The following DEPDC1B variants were observed in gnomAD, a reference collection of about 807,000 sequenced individuals.
The protein encoded by DEPDC1B is DEP domain-containing protein 1B.
A neutral mutation model predicts 66.5 loss-of-function variants in DEPDC1B; 51 were observed. The observed-to-expected ratio is 0.77, with a 90% CI of 0.61 to 0.97. The LOEUF (loss-of-function observed/expected upper bound fraction) is 0.97, where lower values mean the gene tolerates loss of function less well. DEPDC1B is among the 50% of genes least tolerant of loss of function. The pLI is 0.00. For synonymous variants in DEPDC1B, 226 were observed against 223.6 expected (o/e 1.01, Z -0.10); for missense variants, 552 against 637.1 (o/e 0.87, Z 1.44).
At chr5:60,692,188 G>A (rs1754561155) in intron 1 of DEPDC1B, among the ~76,000 whole-genome samples, 1 of 152,110 alleles carries the variant, frequency 6.6e-6, no homozygotes, top group Non-Finnish European at 1.5e-5. Context: ...TGAGGGGAGT[G>A]GGGAACGGGG....
At chr5:60,656,319 C>A (rs1208475860) in intron 2 of DEPDC1B, among the ~76,000 whole-genome samples, 1 of 152,048 alleles carries the variant, frequency 6.6e-6, no homozygotes, top group African/African-American at 2.4e-5. Context: ...CACCACTGCA[C>A]CCAGCTAATT....
intron 7 of DEPDC1B, among the ~76,000 whole-genome samples, chr5:60,625,156 T>C (rs1304805740): frequency 6.6e-6 from 1 of 152,164 alleles, no homozygotes; most frequent in African/African-American, 2.4e-5. Flanking sequence ...TGATGGACAT[T>C]TGGGTTGGTT....
chr5:60,629,547 A>C (rs1752878898), intron 7 of DEPDC1B, among the ~76,000 whole-genome samples: 1 of 152,194 alleles, frequency 6.6e-6, no homozygotes, highest in Non-Finnish European at 1.5e-5. Context: ...TTGTAACATT[A>C]ATTCCAATTA....
intron 7 of DEPDC1B, among the ~76,000 whole-genome samples, chr5:60,618,748 A>C (rs570706823): frequency 6.6e-6 from 1 of 152,352 alleles, no homozygotes; most frequent in East Asian, 1.9e-4. Context: ...AAACTATTCC[A>C]ATCAATAGAA....
At chr5:60,692,140 T>C (rs1209454683) in intron 1 of DEPDC1B, among the ~76,000 whole-genome samples, 1 of 152,092 alleles carries the variant, frequency 6.6e-6, no homozygotes, top group Non-Finnish European at 1.5e-5. Context: ...ACAATTGAGT[T>C]CAAAGAGGCA....
At chr5:60,699,656 C>T (rs1754738669) in intron 1 of DEPDC1B, among the ~76,000 whole-genome samples, 1 of 152,154 alleles carries the variant, frequency 6.6e-6, no homozygotes, top group African/African-American at 2.4e-5. Flanking sequence ...GAGACACGCC[C>T]TGCCTGGACT....
chr5:60,625,775 T>G (rs913137222), intron 7 of DEPDC1B, among the ~76,000 whole-genome samples: 2 of 152,174 alleles, frequency 1.3e-5, no homozygotes, highest in African/African-American at 4.8e-5. Context: ...AGGCTGTATT[T>G]TTGGTTGGCT....
At chr5:60,677,876 T>G (rs1217998005) in intron 2 of DEPDC1B, among the ~76,000 whole-genome samples, 1 of 152,176 alleles carries the variant, frequency 6.6e-6, no homozygotes, top group African/African-American at 2.4e-5. Context: ...CTAACAAGTT[T>G]TGTGCTTTCC....
chr5:60,599,183 A>C lies in DEPDC1B; in HGVS notation c.1320T>G (p.Phe440Leu), dbSNP rs1584015895. The C allele has an allele frequency of 6.2e-7, 1 of 1,613,582 alleles. No homozygotes were observed. The highest frequency in any genetic ancestry group is 8.5e-7 in the Non-Finnish European group (1 of 1,179,732). ...SFCRQISPEE[F>L]EYQRSYGSQE... Reference sequence around the variant, plus strand: ...GAGAGCCATATGATCTTTGATATTCAAATTCCTCTGGACTAATTTGACGGC... The same window carrying C: ...GAGAGCCATATGATCTTTGATATTCCAATTCCTCTGGACTAATTTGACGGC... The change falls in exon 10 of 11, where the codon TTT becomes TTG. Residue 440 changes from phenylalanine to leucine, a missense_variant. Physicochemically the swap from Phe to Leu is conservative, Grantham distance 22. Transcript: ENST00000265036.
chr5:60,616,688 A>C (rs1203368455), intron 7 of DEPDC1B, among the ~76,000 whole-genome samples: 2 of 152,250 alleles, frequency 1.3e-5, no homozygotes, highest in African/African-American at 4.8e-5. Flanking sequence ...GACGGGGAGA[A>C]TGGAACCAAG....
chr5:60,609,638 TGGTTA>T (rs979199141), intron 7 of DEPDC1B, among the ~76,000 whole-genome samples: 4 of 152,214 alleles, frequency 2.6e-5, no homozygotes, highest in African/African-American at 9.6e-5. Flanking sequence ...CTGTAAGGAC[TGGTTA>T]GGTCTATAAC....
chr5:60,696,887 G>A (rs993425326), intron 1 of DEPDC1B, among the ~76,000 whole-genome samples: 1 of 149,772 alleles, frequency 6.7e-6, no homozygotes, highest in Middle Eastern at 3.2e-3. Flanking sequence ...TGATAGCGGT[G>A]CTATAAAGAA....
At chr5:60,647,191 G>T (rs1304584157) in intron 3 of DEPDC1B, among the ~76,000 whole-genome samples, 3 of 150,616 alleles carry the variant, frequency 2.0e-5, no homozygotes, top group Admixed American at 6.6e-5. Context: ...AAACAATACA[G>T]TACAACAACT....
chr5:60,690,053 T>A (rs1754507416), intron 1 of DEPDC1B, among the ~76,000 whole-genome samples: 1 of 152,144 alleles, frequency 6.6e-6, no homozygotes, highest in Non-Finnish European at 1.5e-5. Context: ...AGACCCTGTC[T>A]CAAAGAAAGA....
chr5:60,698,297 C>G (rs1754701104), intron 1 of DEPDC1B, among the ~76,000 whole-genome samples: 1 of 152,248 alleles, frequency 6.6e-6, no homozygotes, highest in Admixed American at 6.5e-5. Context: ...CCCTGCCCAT[C>G]AAGAAGTGGA....
intron 7 of DEPDC1B, among the ~76,000 whole-genome samples, chr5:60,616,934 A>C (rs1752570691): frequency 6.6e-6 from 1 of 152,218 alleles, no homozygotes; most frequent in Non-Finnish European, 1.5e-5. Flanking sequence ...CTAACAGCTG[A>C]TCTCTCGGCA....
chr5:60,666,181 T>G (rs1224916927), intron 2 of DEPDC1B, among the ~76,000 whole-genome samples: 1 of 152,146 alleles, frequency 6.6e-6, no homozygotes, highest in South Asian at 2.1e-4. Context: ...AGGCGCCCAT[T>G]GCCACTCCTG....
intron 6 of DEPDC1B, among the ~76,000 whole-genome samples, 195 bp from the exon 7 acceptor site, chr5:60,639,085 C>T (rs565090899): frequency 1.2e-3 from 188 of 152,188 alleles, no homozygotes; most frequent in Middle Eastern, 0.01. Context: ...TTACATTTTG[C>T]CTACACAAAT....
chr5:60,690,308 G>C (rs961620252), intron 1 of DEPDC1B, among the ~76,000 whole-genome samples: 8 of 152,098 alleles, frequency 5.3e-5, no homozygotes, highest in Non-Finnish European at 1.0e-4. Flanking sequence ...ACTATCAATA[G>C]TTCCAGACAG....
Sources: gnomAD v4.1 joint callset for allele counts (sites outside exome capture counted in the v4.1 genomes callset) on GRCh38, gnomAD v4.1.1 for gene constraint, MANE v1.5 for transcripts, NCBI Gene and HGNC (gene_info 2026-07-23, HGNC 2026-07-21) for gene names.